SMURF1: variants seen among roughly 807,000 people sequenced by gnomAD.
SMURF1 encodes the protein E3 ubiquitin-protein ligase SMURF1.
A neutral mutation model predicts 98.0 loss-of-function variants in SMURF1; 44 were observed. The observed-to-expected ratio is 0.45, with a 90% confidence interval of 0.35 to 0.58. SMURF1 has a LOEUF of 0.58. SMURF1 is among the 20% of genes least tolerant of loss of function. The pLI is 0.00. For missense variants in SMURF1, 687 were observed against 938.4 expected, an observed-to-expected ratio of 0.73 and a Z score of 3.50; for synonymous variants, 396 against 374.9, an observed-to-expected ratio of 1.06 and a Z score of -0.65.
chr7:99,033,571 A>C (rs1795002536), intron 16 of SMURF1, among the ~76,000 whole-genome samples: 1 of 152,158 alleles, frequency 6.6e-6, no homozygotes, highest in African/African-American at 2.4e-5. Context: ...GGCCTCCCAG[A>C]GTGCTGGGAT....
intron 1 of SMURF1, among the ~76,000 whole-genome samples, chr7:99,135,908 T>A (rs777819497): frequency 6.6e-6 from 1 of 152,220 alleles, no homozygotes; most frequent in Non-Finnish European, 1.5e-5. Context: ...TCACAGAAGA[T>A]TTTCAATCTC....
At chr7:99,043,186 A>G (rs1251589077) in intron 11 of SMURF1, among the ~76,000 whole-genome samples, 1 of 152,220 alleles carries the variant, frequency 6.6e-6, no homozygotes, top group Non-Finnish European at 1.5e-5. Context: ...TAAAGATACA[A>G]TCAGTTCTGT....
intron 1 of SMURF1, among the ~76,000 whole-genome samples, chr7:99,115,475 C>T (rs565827516): frequency 6.6e-6 from 1 of 152,194 alleles, no homozygotes; most frequent in Middle Eastern, 3.4e-3. Context: ...CACCTGTAAT[C>T]CCAGCTACTT....
rs1285898865 is a variant in SMURF1 at position 99,029,488 on chromosome 7, T to C, written c.*1096A>G. 3 of 152,238 alleles carry C rather than the reference T, an allele frequency of 2.0e-5. No individual in the cohort carries two copies. The highest frequency in any genetic ancestry group is 3.8e-4 in the East Asian group (2 of 5,196). 9.4% of individuals were successfully genotyped at this position (152,238 alleles called of 1,614,324 possible). On this transcript the variant is annotated 3_prime_UTR_variant, in exon 18 of 18. Coordinates refer to ENST00000361368, the MANE Select transcript of SMURF1 (RefSeq NM_181349.3). ...CTGGGAAAGGGGCCACATGAGGCAG[T>C]GAGTGTGAAGTCGTCCCCCTCTGCT... is the stretch of plus-strand genomic sequence containing the variant.
chr7:99,074,947 A>G (rs1158625822), intron 1 of SMURF1, among the ~76,000 whole-genome samples: 4 of 152,240 alleles, frequency 2.6e-5, no homozygotes, highest in African/African-American at 9.6e-5. Context: ...AAACATGCTC[A>G]GTATCAATAA....
At chr7:99,132,255 A>G (rs114033867) in intron 1 of SMURF1, among the ~76,000 whole-genome samples, 3,211 of 152,276 alleles carry the variant, frequency 0.021, 102 homozygotes, top group African/African-American at 0.071. Context: ...TGCTGCCTCC[A>G]GGAGAGGTGT....
At chr7:99,045,248 T>A (rs567915274) in intron 11 of SMURF1, among the ~76,000 whole-genome samples, 1 of 152,360 alleles carries the variant, frequency 6.6e-6, no homozygotes, top group African/African-American at 2.4e-5. Context: ...CTTGAATTAT[T>A]TTGACCAAAA....
intron 1 of SMURF1, among the ~76,000 whole-genome samples, chr7:99,072,097 T>TA (rs1485497674): frequency 1.4e-5 from 2 of 146,710 alleles, no homozygotes; most frequent in African/African-American, 5.0e-5. Flanking sequence ...AATAAATAAA[T>TA]AAGAAGAAGA....
intron 1 of SMURF1, among the ~76,000 whole-genome samples, chr7:99,127,082 G>A (rs930156542): frequency 2.0e-5 from 3 of 152,186 alleles, no homozygotes; most frequent in African/African-American, 4.8e-5. Context: ...GGTTCCTAGT[G>A]CTTCAGCCCC....
intron 6 of SMURF1, among the ~76,000 whole-genome samples, chr7:99,054,057 T>C (rs1305114142): frequency 6.6e-6 from 1 of 152,174 alleles, no homozygotes; most frequent in Admixed American, 6.6e-5. Context: ...TCAGCTTCCC[T>C]AGCAGCTGGG....
At chr7:99,087,893 AT>A (rs1198929314) in intron 1 of SMURF1, among the ~76,000 whole-genome samples, 3 of 152,082 alleles carry the variant, frequency 2.0e-5, no homozygotes, top group Non-Finnish European at 4.4e-5. Flanking sequence ...AAACATTTTC[AT>A]TGTATAACTC....
In SMURF1 at chr7:99,033,106, G is replaced by C. The variant is rs1321613204; in HGVS notation, c.2027C>G (p.Ala676Gly). ...GTGGATGGTGAACAGCCGGGGCCCT[G>C]CCGCGCCTGTAGAACCTTACAAGAC... Reference protein sequence around the residue: ...FKALQGSTGAAGPRLFTIHLI... With the variant: ...FKALQGSTGAGGPRLFTIHLI... The change falls in exon 17 of 18, where the codon GCA becomes GGA. Residue 676 changes from alanine (A) to glycine (G), a missense_variant. Ala to Gly is a moderately conservative substitution (Grantham distance 60, BLOSUM62 0). Coordinates refer to ENST00000361368, the MANE Select transcript of SMURF1 (RefSeq NM_181349.3). 3.8e-6 allele frequency: 6 copies of C among 1,582,750 alleles called. No individual in the cohort carries two copies. The highest frequency in any genetic ancestry group is 3.6e-5 in the Admixed American group (2 of 55,284).
At position 99,064,674 on chromosome 7, in the gene SMURF1, A is replaced by G. The variant is rs1796143737; in HGVS notation, c.56-2837T>C. Among the ~76,000 whole-genome samples the G allele has an allele frequency of 2.0e-5, 3 of 152,206 alleles. No homozygotes were observed. In the South Asian group the frequency reaches 6.2e-4, roughly 31 times the overall value. On this transcript the variant is annotated intron_variant, in intron 1 of 17. Transcript: ENST00000361368. ...TTGTTTGTAATATTCCTTGATAATC[A>G]GTATTCCTTGATAATATTTCTGTAT...
intron 6 of SMURF1, among the ~76,000 whole-genome samples, chr7:99,053,841 A>AT (rs1167251742): frequency 2.0e-5 from 3 of 152,066 alleles, no homozygotes; most frequent in Non-Finnish European, 4.4e-5. Context: ...AGTTTGTTGT[A>AT]TTTTTTTAGT....
Position 99,063,270 on chromosome 7 carries a change from T to G in SMURF1, c.56-1433A>C, listed in dbSNP as rs1563012781. Among the ~76,000 whole-genome samples the G allele has an allele frequency of 4.3e-3, 46 of 10,582 alleles. 8 individuals carry two copies. The highest frequency in any genetic ancestry group is 0.013 in the South Asian group (5 of 394). The allele number at this position is 10,582 out of a possible 152,430, so 6.9% of individuals were successfully genotyped here. Reference sequence around the variant, plus strand: ...ATATATATATATATATATATATATATATATATATATATATATATATATATA... The same window carrying G: ...ATATATATATATATATATATATATAGATATATATATATATATATATATATA... On this transcript the variant is annotated intron_variant, in intron 1 of 17. Transcript: ENST00000361368.
chr7:99,068,646 TCAA>T (rs747249602), intron 1 of SMURF1, among the ~76,000 whole-genome samples: 6 of 152,148 alleles, frequency 3.9e-5, no homozygotes, highest in Non-Finnish European at 8.8e-5. Flanking sequence ...TGCAAAAACA[TCAA>T]CAACAACAAA....
intron 8 of SMURF1, chr7:99,050,976 G>C: frequency 6.4e-7 from 1 of 1,551,506 alleles, no homozygotes; most frequent in East Asian, 2.4e-5. Flanking sequence ...TCTCCCCCAG[G>C]AATGGTCCCC....
Position 99,038,368 on chromosome 7 carries a change from T to C in SMURF1, c.1688+20A>G. On this transcript the variant is annotated intron_variant, in intron 14 of 17. Transcript: ENST00000361368. ...CAGCCGCGCCCCAGGCACCTGGCCG[T>C]CCCCGACAGGTGGCATTACCGGACG... The C allele has an allele frequency of 6.2e-7, 1 of 1,612,616 alleles. No individual in the cohort carries two copies. The highest frequency in any genetic ancestry group is 8.5e-7 in the Non-Finnish European group (1 of 1,179,540).
chr7:99,042,313 T>G (rs1329324863), intron 11 of SMURF1, 81 bp from the exon 12 acceptor site: 2 of 914,774 alleles, frequency 2.2e-6, no homozygotes, highest in Non-Finnish European at 3.4e-6. Context: ...GGAGTCTCAC[T>G]CTGTCGCCCA....
Sources: gnomAD v4.1 joint callset for allele counts (sites outside exome capture counted in the v4.1 genomes callset) on GRCh38, gnomAD v4.1.1 for gene constraint, MANE v1.5 for transcripts, NCBI Gene and HGNC (gene_info 2026-07-23, HGNC 2026-07-21) for gene names.